The following ABRACL variants were observed in gnomAD, a reference collection of about 807,000 sequenced individuals.
ABRACL encodes the protein ABRA C-terminal like.
In ABRACL, 4 loss-of-function variants were observed where a neutral mutation model predicts 7.0. That is an observed-to-expected ratio of 0.57 (90% CI 0.28 to 1.30). ABRACL has a LOEUF of 1.30. ABRACL is among the 50% of genes most tolerant of loss of function. The pLI, the probability that ABRACL is intolerant of heterozygous loss-of-function variation, is 0.10. For missense variants in ABRACL, 104 were observed against 97.3 expected (o/e 1.07, Z -0.29); for synonymous variants, 30 against 36.0 (o/e 0.83, Z 0.60).
intron 1 of ABRACL, among the ~76,000 whole-genome samples, chr6:139,031,334 A>G (rs1053894083): frequency 2.6e-5 from 4 of 152,160 alleles, no homozygotes; most frequent in African/African-American, 7.2e-5. Context: ...CTGCCTTTCT[A>G]TTACACTTAC....
intron 1 of ABRACL, among the ~76,000 whole-genome samples, chr6:139,031,071 G>A (rs796822890): frequency 3.3e-5 from 5 of 152,336 alleles, no homozygotes; most frequent in African/African-American, 1.2e-4. Context: ...GGAGGTGGGA[G>A]GAAGGAGCGA....
At chr6:139,042,654 GTC>G (rs1786269464) in intron 2 of ABRACL, 63 bp from the exon 3 acceptor site, 1 of 1,444,374 alleles carries the variant, frequency 6.9e-7, no homozygotes, top group African/African-American at 1.4e-5. Context: ...GATTTTGTAA[GTC>G]TTCCATACTT....
At chr6:139,039,588 G>A (rs1426981888) in intron 2 of ABRACL, among the ~76,000 whole-genome samples, 1 of 152,240 alleles carries the variant, frequency 6.6e-6, no homozygotes, top group Non-Finnish European at 1.5e-5. Context: ...TAGCTAGGAA[G>A]AAGTTTCTGG....
chr6:139,039,149 T>C (rs1277227894), intron 2 of ABRACL, among the ~76,000 whole-genome samples: 1 of 151,686 alleles, frequency 6.6e-6, no homozygotes, highest in Non-Finnish European at 1.5e-5. Flanking sequence ...CACTTGAACC[T>C]GGGAGGCGGA....
At chr6:139,039,392 A>G (rs6931523) in intron 2 of ABRACL, among the ~76,000 whole-genome samples, 145,243 of 152,274 alleles carry the variant, frequency 0.95, 69,335 homozygotes, top group East Asian at 1. Flanking sequence ...ACTGTAAAAT[A>G]CATCGAACAG....
chr6:139,039,960 G>A (rs1316444738), intron 2 of ABRACL, among the ~76,000 whole-genome samples: 2 of 151,972 alleles, frequency 1.3e-5, no homozygotes, highest in African/African-American at 4.8e-5. Flanking sequence ...GGTGGTGCAC[G>A]CCTGTAGTCC....
intron 2 of ABRACL, among the ~76,000 whole-genome samples, chr6:139,041,513 G>GTGTGTA (rs1221821725): frequency 2.3e-5 from 1 of 43,120 alleles, no homozygotes; most frequent in African/African-American, 8.7e-5. Context: ...GTGTGTGTGT[G>GTGTGTA]TATATATATA....
At chr6:139,039,478 A>G (rs1582901534) in intron 2 of ABRACL, among the ~76,000 whole-genome samples, 1 of 152,336 alleles carries the variant, frequency 6.6e-6, no homozygotes, top group East Asian at 1.9e-4. Context: ...TGATAGATAT[A>G]TACTCAGTTT....
At chr6:139,030,474 T>C (rs1262156434) in intron 1 of ABRACL, among the ~76,000 whole-genome samples, 1 of 152,226 alleles carries the variant, frequency 6.6e-6, no homozygotes, top group Non-Finnish European at 1.5e-5. Flanking sequence ...TCTGTCCTTA[T>C]TATAAAAGGC....
intron 2 of ABRACL, 32 bp from the exon 3 acceptor site, chr6:139,042,687 G>T (rs746178742): frequency 1.9e-6 from 3 of 1,587,166 alleles, no homozygotes; most frequent in Non-Finnish European, 2.6e-6. Flanking sequence ...AACAGACTTT[G>T]CATTTGCTAA....
At chr6:139,036,316 G>T (rs1421123835) in intron 2 of ABRACL, among the ~76,000 whole-genome samples, 1 of 151,994 alleles carries the variant, frequency 6.6e-6, no homozygotes, top group Non-Finnish European at 1.5e-5. Flanking sequence ...CCTTCCTGTC[G>T]TAGGGTCCTT....
At chr6:139,033,663 A>G (rs914189409) in intron 1 of ABRACL, among the ~76,000 whole-genome samples, 2 of 152,176 alleles carry the variant, frequency 1.3e-5, no homozygotes, top group Non-Finnish European at 2.9e-5. Flanking sequence ...ACCTCCAGGA[A>G]GCCTCCTGCT....
chr6:139,042,613 T>G, intron 2 of ABRACL, 106 bp from the exon 3 acceptor site: 1 of 1,109,092 alleles, frequency 9.0e-7, no homozygotes, highest in Non-Finnish European at 1.3e-6. Context: ...AATTGCAACC[T>G]TGGATAGCCC....
At chr6:139,034,471 A>G in intron 2 of ABRACL, 3 of 1,419,794 alleles carry the variant, frequency 2.1e-6, no homozygotes, top group Non-Finnish European at 2.8e-6. Context: ...ATAGAAAGCA[A>G]ATTACCAAGC....
chr6:139,041,425 ATC>A (rs72110050), intron 2 of ABRACL, among the ~76,000 whole-genome samples: 4,048 of 117,068 alleles, frequency 0.035, 238 homozygotes, highest in African/African-American at 0.13. Flanking sequence ...CACCAGACCC[ATC>A]TCTCTCTCTC....
chr6:139,036,252 TCTGTTTTAAGGA>T (rs1786154754), intron 2 of ABRACL, among the ~76,000 whole-genome samples: 1 of 152,030 alleles, frequency 6.6e-6, no homozygotes, highest in Non-Finnish European at 1.5e-5. Context: ...GCCTCCTTCT[TCTGTTTTAAGGA>T]CTTTTTGGAT....
intron 2 of ABRACL, among the ~76,000 whole-genome samples, chr6:139,041,279 T>TA (rs1166581700): frequency 2.1e-4 from 31 of 151,216 alleles, no homozygotes; most frequent in African/African-American, 7.0e-4. Context: ...CTTTTTTTTT[T>TA]ATGAGACAGG....
chr6:139,042,081 C>T (rs1786261689), intron 2 of ABRACL, among the ~76,000 whole-genome samples: 1 of 152,152 alleles, frequency 6.6e-6, no homozygotes, highest in Non-Finnish European at 1.5e-5. Flanking sequence ...AGGTGTCTCC[C>T]AGATTACCCT....
At chr6:139,039,341 GTCTTA>G (rs1385295395) in intron 2 of ABRACL, among the ~76,000 whole-genome samples, 8 of 152,136 alleles carry the variant, frequency 5.3e-5, no homozygotes, top group Non-Finnish European at 1.0e-4. Context: ...AATCAATTGT[GTCTTA>G]TCTTCCATGA....
Sources: allele counts gnomAD v4.1 joint callset (sites outside exome capture counted in the v4.1 genomes callset), GRCh38; gene constraint gnomAD v4.1.1; transcripts MANE v1.5; gene names NCBI Gene and HGNC (gene_info 2026-07-23, HGNC 2026-07-21).